Variants in EPHB1 observed in about 807,000 individuals in gnomAD.
EPHB1 encodes ephrin type-B receptor 1.
Under a neutral mutation model 94.4 loss-of-function variants are expected in EPHB1, and 30 were observed. The ratio of observed to expected loss-of-function variants is 0.32; its 90% CI spans 0.24 to 0.43. EPHB1 has a LOEUF of 0.43. Among genes scored for constraint, EPHB1 ranks in the 20% least tolerant of loss-of-function variants. The pLI, the probability that EPHB1 is intolerant of heterozygous loss-of-function variation, is 1.00. For missense variants in EPHB1, 1,055 were observed against 1,308.3 expected, an observed-to-expected ratio of 0.81 and a Z score of 2.99; for synonymous variants, 522 against 489.1, an observed-to-expected ratio of 1.07 and a Z score of -0.89.
chr3:135,117,587 G>C (rs530427834), intron 4 of EPHB1, among the ~76,000 whole-genome samples: 1 of 152,360 alleles, frequency 6.6e-6, no homozygotes, highest in Admixed American at 6.5e-5. Context: ...ACATCAAGAA[G>C]GGTGGCTTGT....
intron 3 of EPHB1, among the ~76,000 whole-genome samples, chr3:135,030,885 A>C (rs993225047): frequency 6.6e-6 from 1 of 152,054 alleles, no homozygotes; most frequent in African/African-American, 2.4e-5. Flanking sequence ...GACTCCTTGG[A>C]GTAGGACCCT....
intron 10 of EPHB1, among the ~76,000 whole-genome samples, chr3:135,182,062 T>G (rs976107633): frequency 6.6e-6 from 1 of 152,232 alleles, no homozygotes; most frequent in Non-Finnish European, 1.5e-5. Context: ...GTTAACTTAC[T>G]ATGCATAACT....
chr3:135,202,989 G>A (rs1942797739), intron 12 of EPHB1, among the ~76,000 whole-genome samples: 2 of 152,196 alleles, frequency 1.3e-5, no homozygotes, highest in South Asian at 4.1e-4. Flanking sequence ...ATCAATGATA[G>A]ACTGGATAAA....
intron 1 of EPHB1, among the ~76,000 whole-genome samples, chr3:134,848,841 CA>C (rs1379365526): frequency 2.0e-5 from 3 of 152,330 alleles, no homozygotes; most frequent in South Asian, 2.1e-4. Flanking sequence ...ATTGAGAAAG[CA>C]AAAGGCTTTT....
intron 1 of EPHB1, among the ~76,000 whole-genome samples, chr3:134,835,391 T>C (rs945834828): frequency 2.6e-5 from 4 of 152,142 alleles, no homozygotes; most frequent in Non-Finnish European, 5.9e-5. Context: ...TTCAGCCCTG[T>C]GGAGGGGTTG....
chr3:134,809,053 C>G (rs780619637), intron 1 of EPHB1, among the ~76,000 whole-genome samples: 3 of 152,218 alleles, frequency 2.0e-5, no homozygotes, highest in Non-Finnish European at 4.4e-5. Flanking sequence ...AATGAGCTGG[C>G]TCATTTCCCT....
chr3:135,128,098 G>T (rs913257833), intron 4 of EPHB1, among the ~76,000 whole-genome samples: 1 of 152,224 alleles, frequency 6.6e-6, no homozygotes, highest in Admixed American at 6.5e-5. Flanking sequence ...GAAAAATGAG[G>T]AAGAGCATGG....
chr3:135,133,690 G>A (rs11712544), intron 5 of EPHB1, among the ~76,000 whole-genome samples: 30,318 of 152,166 alleles, frequency 0.2, 3,810 homozygotes, highest in Non-Finnish European at 0.28. Context: ...GCAATAGATC[G>A]CTCCTGATAG....
intron 2 of EPHB1, among the ~76,000 whole-genome samples, chr3:134,945,187 G>T (rs2039193807): frequency 6.6e-6 from 1 of 151,870 alleles, no homozygotes; most frequent in Non-Finnish European, 1.5e-5. Flanking sequence ...TTTTCTATCA[G>T]GTTTTCTTTT....
Position 134,825,027 on chromosome 3 carries a change from T to A in EPHB1, c.58+29338T>A, listed in dbSNP as rs550961272. 4.6e-5 allele frequency among the ~76,000 whole-genome samples: 7 copies of A among 152,384 alleles called. No homozygotes were observed. The South Asian group carries it at 8.3e-4, about 18-fold the overall frequency. On this transcript the variant is annotated intron_variant, in intron 1 of 15. Coordinates refer to ENST00000398015, the MANE Select transcript of EPHB1 (RefSeq NM_004441.5). Reference sequence around the variant, plus strand: ...ACTGTAAGAGCTAATAAAACATTACTGTCTCAAGCCAGTAAATTTTGCGGG... The same window carrying A: ...ACTGTAAGAGCTAATAAAACATTACAGTCTCAAGCCAGTAAATTTTGCGGG...
rs2107731516 is a variant in EPHB1 at position 135,248,611 on chromosome 3, T to C, written c.2690+102T>C. 3 of 1,238,252 alleles carry C rather than the reference T, an allele frequency of 2.4e-6. No individual in the cohort carries two copies. In the East Asian group the frequency reaches 7.8e-5, roughly 32 times the overall value. 76.7% of individuals were successfully genotyped at this position (1,238,252 alleles called of 1,614,324 possible). ...GATCATGTTCGAATTTTTTAAAGAG[T>C]ATCTAGTTGCAGTGTGGGCCTTATG... On this transcript the variant is annotated intron_variant, in intron 14 of 15. Transcript: ENST00000398015.
chr3:135,179,996 C>T lies in EPHB1; in HGVS notation c.1882+14C>T. On this transcript the variant is annotated intron_variant, in intron 10 of 15. Coordinates refer to ENST00000398015, the MANE Select transcript of EPHB1 (RefSeq NM_004441.5). ...TCATCGGAGCAGGTATGGCTCTTCC[C>T]TGTCTTGTTTCTGTTCTCCTGGTGT... 6.2e-7 allele frequency: 1 copy of T among 1,613,354 alleles called. No individual in the cohort carries two copies. Among genetic ancestry groups the T allele is most frequent in the Admixed American group, 1.7e-5 (1 of 59,998 alleles).
At chr3:135,178,002 A>G (rs1942032410) in intron 9 of EPHB1, among the ~76,000 whole-genome samples, 2 of 152,090 alleles carry the variant, frequency 1.3e-5, no homozygotes, top group Admixed American at 1.3e-4. Context: ...CCTTTGTCCA[A>G]ATTTCAGTCT....
intron 3 of EPHB1, among the ~76,000 whole-genome samples, chr3:134,968,615 C>T (rs1933852636): frequency 6.6e-6 from 1 of 152,194 alleles, no homozygotes; most frequent in East Asian, 1.9e-4. Context: ...GACTTCTTAA[C>T]TTATTTAAGT....
chr3:134,795,282 C>T lies in EPHB1; in HGVS notation c.-350C>T, dbSNP rs947251075. The T allele has an allele frequency of 1.5e-5, 6 of 402,336 alleles. No homozygotes were observed. The highest frequency in any genetic ancestry group is 1.1e-4 in the African/African-American group (5 of 47,492). The allele number at this position is 402,336 out of a possible 1,614,324, so 24.9% of individuals were successfully genotyped here. Reference sequence around the variant, plus strand: ...GTCAGTCTGGCCGGCTCCGTCCTCCCGTAGGCTCCGCTGTAGCTAGCAATG... The same window carrying T: ...GTCAGTCTGGCCGGCTCCGTCCTCCTGTAGGCTCCGCTGTAGCTAGCAATG... On this transcript the variant is annotated 5_prime_UTR_variant, in exon 1 of 16. Transcript: ENST00000398015.
At chr3:135,129,159 C>T (rs369149218) in intron 4 of EPHB1, among the ~76,000 whole-genome samples, 68 of 146,242 alleles carry the variant, frequency 4.6e-4, no homozygotes, top group African/African-American at 1.5e-3. Context: ...TATATGAAGA[C>T]GTTTATTAAA....
chr3:134,945,234 C>T (rs1401489705), intron 2 of EPHB1, among the ~76,000 whole-genome samples: 1 of 152,028 alleles, frequency 6.6e-6, no homozygotes, highest in Non-Finnish European at 1.5e-5. Flanking sequence ...CTATTTCTGT[C>T]ATGCCAATTT....
chr3:134,939,286 C>T (rs3772658), intron 2 of EPHB1, among the ~76,000 whole-genome samples: 1 of 151,644 alleles, frequency 6.6e-6, no homozygotes, highest in African/African-American at 2.4e-5. Flanking sequence ...GGAAGCCCTT[C>T]CAAGGCACTG....
chr3:134,826,504 A>G (rs964544868), intron 1 of EPHB1, among the ~76,000 whole-genome samples: 7 of 152,178 alleles, frequency 4.6e-5, no homozygotes, highest in African/African-American at 1.4e-4. Flanking sequence ...TTGTGAATAA[A>G]TAACCCCCAG....
Sources: gnomAD v4.1 joint callset for allele counts (sites outside exome capture counted in the v4.1 genomes callset) on GRCh38, gnomAD v4.1.1 for gene constraint, MANE v1.5 for transcripts, NCBI Gene and HGNC (gene_info 2026-07-23, HGNC 2026-07-21) for gene names.